The following PCDHGB2 variants were observed in gnomAD, a reference collection of about 807,000 sequenced individuals.
PCDHGB2 encodes protocadherin gamma-B2.
In PCDHGB2, 55 loss-of-function variants were observed where a neutral mutation model predicts 59.3. The observed-to-expected ratio is 0.93, with a 90% CI of 0.75 to 1.16. PCDHGB2 has a LOEUF of 1.16. Ranked by LOEUF, PCDHGB2 falls within the 50% of genes most tolerant of loss-of-function variation. The pLI is 0.00. For missense variants in PCDHGB2, 1,228 were observed against 1,198.5 expected (o/e 1.02, Z -0.36); for synonymous variants, 516 against 512.0 (o/e 1.01, Z -0.11).
intron 1 of PCDHGB2, chr5:141,415,955 G>A: frequency 8.5e-6 from 4 of 472,662 alleles, no homozygotes; most frequent in Non-Finnish European, 1.3e-5. Context: ...GTCACATATT[G>A]AAACTCCAGC....
chr5:141,403,358 G>A (rs1031210052), intron 1 of PCDHGB2: 1 of 1,614,026 alleles, frequency 6.2e-7, no homozygotes. Flanking sequence ...GTTCCAGGCC[G>A]AAAGTCTGGA....
intron 1 of PCDHGB2, chr5:141,423,755 G>A (rs1236551808): frequency 2.5e-5 from 13 of 512,416 alleles, no homozygotes; most frequent in Non-Finnish European, 3.4e-5. Context: ...CTGTTTGGGG[G>A]GGGGGTGGGG....
At position 141,493,774 on chromosome 5, in the gene PCDHGB2, C is replaced by T. The variant is rs2099749996; in HGVS notation, c.2422-1033C>T. On this transcript the variant is annotated intron_variant, in intron 1 of 3. Coordinates refer to ENST00000522605, the MANE Select transcript of PCDHGB2 (RefSeq NM_018923.3). The surrounding 1 kb of genome is among the most constrained non-coding windows in gnomAD (Gnocchi z 4.3). ...GCCTTGAGTGAGCCACTGGCAGTTC[C>T]GGAGCTTCCTTCTCCCTGGAGTAAT... Among the ~76,000 whole-genome samples, 1 of 152,258 alleles carries T rather than the reference C, an allele frequency of 6.6e-6. No homozygotes were observed. The highest frequency in any genetic ancestry group is 1.9e-4 in the East Asian group (1 of 5,176).
chr5:141,483,620 A>G (rs192148102), intron 1 of PCDHGB2, among the ~76,000 whole-genome samples: 472 of 151,650 alleles, frequency 3.1e-3, no homozygotes, highest in Non-Finnish European at 5.0e-3. Context: ...CATCATTCCC[A>G]TGGGAGAAGG....
At chr5:141,450,792 G>T (rs1222162745) in intron 1 of PCDHGB2, among the ~76,000 whole-genome samples, 2 of 149,686 alleles carry the variant, frequency 1.3e-5, no homozygotes, top group Non-Finnish European at 3.0e-5. Context: ...CGGACCTCAT[G>T]ATTGTATTTA....
chr5:141,398,148 G>T lies in PCDHGB2; in HGVS notation c.2421+35592G>T, dbSNP rs768560617. The T allele has an allele frequency of 9.4e-6, 14 of 1,497,140 alleles. 1 individual carries two copies. Among genetic ancestry groups the T allele is most frequent in the East Asian group, 9.3e-5 (4 of 42,788 alleles). 92.7% of individuals were successfully genotyped at this position (1,497,140 alleles called of 1,614,324 possible). On this transcript the variant is annotated intron_variant, in intron 1 of 3. Coordinates refer to ENST00000522605, the MANE Select transcript of PCDHGB2 (RefSeq NM_018923.3). ...GAGGGATGGGGAGCGGCGCCGGGGA[G>T]CTGGGCCGGGCTGAGAGGCTGCCAG...
At chr5:141,457,439 C>T (rs2098920819) in intron 1 of PCDHGB2, among the ~76,000 whole-genome samples, 1 of 152,194 alleles carries the variant, frequency 6.6e-6, no homozygotes, top group Non-Finnish European at 1.5e-5. Context: ...CACCAAGCTG[C>T]AGAAGATCAC....
rs749469652 is a variant in PCDHGB2, at chr5:141,371,514, CT to C, written c.2421+8959del. On this transcript the variant is annotated intron_variant, in intron 1 of 3. Transcript: ENST00000522605. The stretch of plus-strand genomic sequence containing the variant: ...CGTTGCCCTGATCAAAACACATGAT[CT>C]AGATTCTGGATTTAATGGAGAAATC... The C allele has an allele frequency of 1.9e-6, 3 of 1,613,792 alleles. No homozygotes were observed. The South Asian group carries it at 3.3e-5, about 18-fold the overall frequency.
intron 1 of PCDHGB2, chr5:141,375,344 A>T: frequency 6.2e-7 from 1 of 1,613,836 alleles, no homozygotes; most frequent in South Asian, 1.1e-5. Context: ...GTACAACATC[A>T]CTGTGACAGC....
intron 1 of PCDHGB2, chr5:141,403,395 C>T (rs758295115): frequency 3.7e-6 from 6 of 1,614,084 alleles, no homozygotes; most frequent in Admixed American, 3.3e-5. Context: ...ATCGCGGTTC[C>T]TGGAGCACGT....
intron 2 of PCDHGB2, among the ~76,000 whole-genome samples, chr5:141,502,428 A>C (rs2099814217): frequency 6.6e-6 from 1 of 151,978 alleles, no homozygotes; most frequent in South Asian, 2.1e-4. Flanking sequence ...CTATTCTCTG[A>C]TGGTTAGATT....
Position 141,360,650 on chromosome 5 carries a change from T to G in PCDHGB2, c.515T>G (p.Leu172Arg), listed in dbSNP as rs1234526049. 8.7e-6 allele frequency: 14 copies of G among 1,613,994 alleles called. No homozygotes were observed. Among genetic ancestry groups the G allele is most frequent in the Admixed American group, 1.7e-5 (1 of 60,032 alleles). The part of the protein sequence containing the change: ...VGPNSLQRYH[L>R]NDNEYFDLAE... ...CCTAACTCACTACAAAGATACCACC[T>G]TAATGACAACGAGTACTTTGATCTC... is the stretch of plus-strand genomic sequence containing the variant. The change falls in exon 1 of 4, where the codon CTT becomes CGT. Residue 172 changes from leucine to arginine, a missense_variant. Leu to Arg is a moderately radical substitution (Grantham distance 102, BLOSUM62 -2). Transcript: ENST00000522605.
chr5:141,375,152 G>T, intron 1 of PCDHGB2: 2 of 1,613,930 alleles, frequency 1.2e-6, no homozygotes, highest in Non-Finnish European at 1.7e-6. Context: ...CAGAACAATT[G>T]CTGAAAGTGC....
chr5:141,433,291 T>A, intron 1 of PCDHGB2: 1 of 1,094,048 alleles, frequency 9.1e-7, no homozygotes, highest in Non-Finnish European at 1.3e-6. Flanking sequence ...ACTCCTAGGC[T>A]CAAGCAATTA....
At chr5:141,412,903 G>C (rs2095586511) in intron 1 of PCDHGB2, 1 of 376,030 alleles carries the variant, frequency 2.7e-6, no homozygotes, top group African/African-American at 2.1e-5. Context: ...ACTTTCCATT[G>C]CATGTATCAC....
rs572282329 is a variant in PCDHGB2 at position 141,388,648 on chromosome 5, T to A, written c.2421+26092T>A. On this transcript the variant is annotated intron_variant, in intron 1 of 3. Coordinates refer to ENST00000522605, the MANE Select transcript of PCDHGB2 (RefSeq NM_018923.3). ...TACAGGGTGAGCCTTTCAGAAAACG[T>A]GTACCCGGGGACCACGGTGCTACAG... is the stretch of plus-strand genomic sequence containing the variant. 5 of 1,613,938 alleles carry A rather than the reference T, an allele frequency of 3.1e-6. No homozygotes were observed. The East Asian group carries it at 8.9e-5, about 29-fold the overall frequency.
At chr5:141,466,275 A>G (rs1163982252) in intron 1 of PCDHGB2, among the ~76,000 whole-genome samples, 1 of 152,112 alleles carries the variant, frequency 6.6e-6, no homozygotes. Context: ...AGCTCAAGCA[A>G]TCTTCCCACC....
At chr5:141,461,817 C>A (rs2099023873) in intron 1 of PCDHGB2, among the ~76,000 whole-genome samples, 1 of 150,844 alleles carries the variant, frequency 6.6e-6, no homozygotes, top group South Asian at 2.1e-4. Flanking sequence ...CCACACCCAG[C>A]TAATTTTTTT....
chr5:141,492,829 C>T (rs2099744241), intron 1 of PCDHGB2, among the ~76,000 whole-genome samples: 1 of 152,232 alleles, frequency 6.6e-6, no homozygotes, highest in Non-Finnish European at 1.5e-5. Context: ...CGGCCCCTTC[C>T]TCCCGCAGGA....
Sources: allele counts gnomAD v4.1 joint callset (sites outside exome capture counted in the v4.1 genomes callset), GRCh38; gene constraint gnomAD v4.1.1; non-coding constraint Gnocchi (gnomAD v3.1); transcripts MANE v1.5; gene names NCBI Gene and HGNC (gene_info 2026-07-23, HGNC 2026-07-21).